KMT2C: variants seen among roughly 807,000 people sequenced by gnomAD.
KMT2C encodes lysine methyltransferase 2C.
A neutral mutation model predicts 507.9 loss-of-function variants in KMT2C; 88 were observed. The observed-to-expected ratio is 0.17, with a 90% confidence interval of 0.15 to 0.21. The LOEUF is 0.21. Ranked by LOEUF, KMT2C falls within the 10% of genes least tolerant of loss-of-function variation. The pLI, the probability that KMT2C is intolerant of heterozygous loss-of-function variation, is 1.00. For missense variants in KMT2C, 4,954 were observed against 5,957.8 expected, an observed-to-expected ratio of 0.83 and a Z score of 5.55; for synonymous variants, 2,049 against 2,080.8, an observed-to-expected ratio of 0.98 and a Z score of 0.42.
At chr7:152,368,077 GTT>G in intron 1 of KMT2C, 6 of 894,658 alleles carry the variant, frequency 6.7e-6, no homozygotes, top group Non-Finnish European at 1.1e-5. Context: ...GTAAAGGACT[GTT>G]TACCTCTTGC....
chr7:152,339,325 A>G (rs2096968574), intron 2 of KMT2C, among the ~76,000 whole-genome samples: 2 of 152,226 alleles, frequency 1.3e-5, no homozygotes, highest in African/African-American at 4.8e-5. Flanking sequence ...CAACAAGCAC[A>G]GTGGTATTGG....
chr7:152,224,315 A>G, intron 19 of KMT2C, 120 bp downstream of exon 19: 1 of 1,271,762 alleles, frequency 7.9e-7, no homozygotes, highest in Non-Finnish European at 1.1e-6. Context: ...GATTACTGGT[A>G]TCTATCATAG....
chr7:152,162,450 C>T lies in KMT2C; in HGVS notation c.11127G>A (p.Met3709Ile). Residue 3709 changes from methionine (M) to isoleucine (I), a missense_variant, in exon 43 of 59, where the codon ATG becomes ATA. By Grantham distance (10) the Met-to-Ile change is conservative. Coordinates refer to ENST00000262189, the MANE Select transcript of KMT2C (RefSeq NM_170606.3). The part of the protein sequence containing the change: ...YANSEVDKLS[M>I]ETPAKTEEIK... ...TCTCTTCTGTTTTGGCAGGGGTTTC[C>T]ATGGAGAGCTTGTCTACTTCTGAAT... The T allele has an allele frequency of 6.2e-7, 1 of 1,614,242 alleles. No individual in the cohort carries two copies. Among genetic ancestry groups the T allele is most frequent in the South Asian group, 1.1e-5 (1 of 91,086 alleles).
chr7:152,305,553 TC>T (rs2096608884), intron 6 of KMT2C, among the ~76,000 whole-genome samples: 1 of 151,634 alleles, frequency 6.6e-6, no homozygotes, highest in Non-Finnish European at 1.5e-5. Flanking sequence ...TAGCAAGGAA[TC>T]TTTTTTTTTT....
chr7:152,322,787 A>C (rs1316895580), intron 3 of KMT2C, among the ~76,000 whole-genome samples: 1 of 151,994 alleles, frequency 6.6e-6, no homozygotes, highest in African/African-American at 2.4e-5. Flanking sequence ...GAAAATATTT[A>C]ATATCCAAAA....
chr7:152,172,434 G>A (rs1452707247), intron 39 of KMT2C, among the ~76,000 whole-genome samples: 2 of 152,188 alleles, frequency 1.3e-5, no homozygotes, highest in Non-Finnish European at 2.9e-5. Flanking sequence ...AGTGGCTCAT[G>A]CCTGTAATTG....
chr7:152,224,019 C>T lies in KMT2C; in HGVS notation c.3319G>A (p.Asp1107Asn), dbSNP rs1459675790. ...GATGAAAAAATAGCACAATACCTAT[C>T]ACATTGTCTACATTGCAGAATAAGA... ...EDLILQCRQC[D>N]RWMHAVCQNL... The change falls in exon 20 of 59, where the codon GAT (aspartate) becomes AAT (asparagine). Residue 1107 changes from aspartate to asparagine, a missense_variant. Transcript: ENST00000262189. 2.5e-6 allele frequency: 4 copies of T among 1,601,800 alleles called. No homozygotes were observed.
chr7:152,145,289 C>T lies in KMT2C; in HGVS notation c.14038G>A (p.Gly4680Arg). 1.2e-6 allele frequency: 2 copies of T among 1,613,770 alleles called. No homozygotes were observed. The highest frequency in any genetic ancestry group is 1.7e-6 in the Non-Finnish European group (2 of 1,179,856). The change falls in exon 54 of 59, where the codon GGG (glycine) becomes AGG (arginine). Residue 4680 changes from glycine to arginine, a missense_variant. Physicochemically the swap from Gly to Arg is moderately radical, Grantham distance 125. Transcript: ENST00000262189. The stretch of plus-strand genomic sequence containing the variant: ...GTATAATTTTCACATGCCTCAACCC[C>T]AGGAAGCTGAAAAGAAGCAAAGCAG... The part of the protein sequence containing the change: ...AVARIAESLP[G>R]VEACENYTFR...
chr7:152,281,659 G>C (rs2096212444), intron 6 of KMT2C, among the ~76,000 whole-genome samples: 1 of 152,108 alleles, frequency 6.6e-6, no homozygotes. Context: ...TTGAACCCAG[G>C]AGGTAGAGGT....
intron 48 of KMT2C, 39 bp from the exon 49 acceptor site, chr7:152,152,993 G>A (rs1025713751): frequency 1.2e-6 from 2 of 1,606,144 alleles, no homozygotes; most frequent in Non-Finnish European, 1.7e-6. Flanking sequence ...TCACCCAGAA[G>A]GCAACAGTGA....
In KMT2C at chr7:152,177,266, T is replaced by G. The variant is rs1006124171; in HGVS notation, c.8187A>C (p.Val2729=). The G allele has an allele frequency of 2.5e-6, 4 of 1,613,922 alleles. No individual in the cohort carries two copies. Among genetic ancestry groups the G allele is most frequent in the Non-Finnish European group, 3.4e-6 (4 of 1,179,994 alleles). The change falls in exon 38 of 59, where the codon GTA becomes GTC. Residue 2729 remains valine, a synonymous_variant. Coordinates refer to ENST00000262189, the MANE Select transcript of KMT2C (RefSeq NM_170606.3). ...NLNLDTEDGK[V]VELDTLDNLE... is the part of the protein sequence containing the mutation. ...AATTATCTAAAGTATCCAATTCAAC[T>G]ACCTTGCCATCCTCTGTATCTAAAT...
At chr7:152,384,042 G>C (rs926771654) in intron 1 of KMT2C, among the ~76,000 whole-genome samples, 10 of 147,568 alleles carry the variant, frequency 6.8e-5, no homozygotes, top group African/African-American at 2.7e-4. Flanking sequence ...AGACATGTGT[G>C]TCTGTGTGTG....
rs188456537 is a variant in KMT2C at position 152,229,142 on chromosome 7, G to A, written c.2976+781C>T. ...CACTCATGGTTCACAACCTGTTACTGAAACTGAGGTTAGTATTTATATTAC... is the reference window on the plus strand; with the variant it reads ...CACTCATGGTTCACAACCTGTTACTAAAACTGAGGTTAGTATTTATATTAC... On this transcript the variant is annotated intron_variant, in intron 18 of 58. Coordinates refer to ENST00000262189, the MANE Select transcript of KMT2C (RefSeq NM_170606.3). Among the ~76,000 whole-genome samples, 322 of 152,246 alleles carry A rather than the reference G, an allele frequency of 2.1e-3. 3 individuals are homozygous for A. The highest frequency in any genetic ancestry group is 0.01 in the Middle Eastern group (3 of 294).
At chr7:152,256,441 C>T (rs2095663623) in intron 9 of KMT2C, among the ~76,000 whole-genome samples, 5 of 152,016 alleles carry the variant, frequency 3.3e-5, no homozygotes, top group Non-Finnish European at 7.4e-5. Flanking sequence ...GTACACATAA[C>T]TCCTAGCTAA....
chr7:152,350,338 A>C (rs1336483892), intron 2 of KMT2C, among the ~76,000 whole-genome samples: 1 of 152,206 alleles, frequency 6.6e-6, no homozygotes, highest in Non-Finnish European at 1.5e-5. Flanking sequence ...CACATTTGTA[A>C]GTGTGTGTAT....
rs114035980 is a variant in KMT2C, at chr7:152,333,911, T to C, written c.251-3172A>G. ...TTTATACAGTCTATCAATCAAGGTG[T>C]CCTGTCTATCCCGAGACAAAATTGA... On this transcript the variant is annotated intron_variant, in intron 2 of 58. Coordinates refer to ENST00000262189, the MANE Select transcript of KMT2C (RefSeq NM_170606.3). Among the ~76,000 whole-genome samples the C allele has an allele frequency of 4.2e-3, 640 of 152,264 alleles. 6 individuals are homozygous for C. Among genetic ancestry groups the C allele is most frequent in the African/African-American group, 0.015 (618 of 41,548 alleles).
chr7:152,179,682 A>T (rs1329724292), intron 37 of KMT2C, 152 bp downstream of exon 37: 1 of 512,628 alleles, frequency 2.0e-6, no homozygotes, highest in East Asian at 3.7e-5. Flanking sequence ...GGGTGGTCTC[A>T]CTATATTGCC....
At chr7:152,272,157 G>A (rs2095988772) in intron 7 of KMT2C, among the ~76,000 whole-genome samples, 1 of 151,836 alleles carries the variant, frequency 6.6e-6, no homozygotes, top group African/African-American at 2.4e-5. Flanking sequence ...GTATCTTTTA[G>A]CTTTATGTTG....
intron 1 of KMT2C, among the ~76,000 whole-genome samples, chr7:152,369,801 A>G (rs1226183265): frequency 1.3e-5 from 2 of 152,168 alleles, no homozygotes; most frequent in South Asian, 2.1e-4. Flanking sequence ...AGAACCATAA[A>G]CCAAATAAAT....
Sources: allele counts gnomAD v4.1 joint callset (sites outside exome capture counted in the v4.1 genomes callset), GRCh38; gene constraint gnomAD v4.1.1; transcripts MANE v1.5; gene names NCBI Gene and HGNC (gene_info 2026-07-23, HGNC 2026-07-21).